Variants in SNX9 observed in about 807,000 individuals in gnomAD.
SNX9 encodes the protein sorting nexin 9.
SNX9 carries 44 observed loss-of-function variants against 89.4 expected under a neutral mutation model. That is an observed-to-expected ratio of 0.49 (90% CI 0.39 to 0.63). The LOEUF is 0.63. Among genes scored for constraint, SNX9 ranks in the 30% least tolerant of loss-of-function variants. The pLI, the probability that SNX9 is intolerant of heterozygous loss-of-function variation, is 0.00. For synonymous variants in SNX9, 236 were observed against 247.8 expected (o/e 0.95, Z 0.45); for missense variants, 578 against 736.1 (o/e 0.79, Z 2.49).
chr6:157,828,650 T>A (rs1257468720), intron 1 of SNX9, among the ~76,000 whole-genome samples: 1 of 152,090 alleles, frequency 6.6e-6, no homozygotes, highest in East Asian at 1.9e-4. Flanking sequence ...TGCACCACCA[T>A]GCCCAGCTAC....
intron 9 of SNX9, among the ~76,000 whole-genome samples, chr6:157,916,386 A>G (rs182837040): frequency 1.4e-4 from 21 of 151,974 alleles, no homozygotes; most frequent in African/African-American, 5.1e-4. Context: ...AGAGAGTTTT[A>G]TTTCATCTTT....
chr6:157,885,694 C>T (rs1218610610), intron 4 of SNX9, among the ~76,000 whole-genome samples: 1 of 152,156 alleles, frequency 6.6e-6, no homozygotes, highest in Non-Finnish European at 1.5e-5. Context: ...GTGAGGAGTT[C>T]CTTATGTGGT....
chr6:157,867,126 AT>A (rs1295675505), intron 1 of SNX9, among the ~76,000 whole-genome samples: 2 of 151,906 alleles, frequency 1.3e-5, no homozygotes, highest in African/African-American at 4.8e-5. Flanking sequence ...TTTTTCTTTA[AT>A]TTTTTGGTAG....
chr6:157,867,993 C>A (rs1008223123), intron 2 of SNX9, among the ~76,000 whole-genome samples: 3 of 152,148 alleles, frequency 2.0e-5, no homozygotes, highest in Non-Finnish European at 4.4e-5. Context: ...GAACATGGTT[C>A]AGTGTGTTTA....
chr6:157,836,393 C>T (rs1203361172), intron 1 of SNX9, among the ~76,000 whole-genome samples: 1 of 152,104 alleles, frequency 6.6e-6, no homozygotes, highest in Non-Finnish European at 1.5e-5. Flanking sequence ...AAAGATATGG[C>T]AATGGTAATA....
intron 9 of SNX9, among the ~76,000 whole-genome samples, chr6:157,916,685 T>C (rs1053418010): frequency 2.0e-5 from 3 of 152,248 alleles, no homozygotes; most frequent in Non-Finnish European, 2.9e-5. Flanking sequence ...CATCGAGTGA[T>C]TGTATGGCTT....
rs34419515 is a variant in SNX9, at chr6:157,914,469, C to CTTTTTTTT, written c.949+4460_949+4467dup. 2.8e-3 allele frequency among the ~76,000 whole-genome samples: 213 copies of CTTTTTTTT among 75,100 alleles called. 1 individual carries two copies. The highest frequency in any genetic ancestry group is 5.8e-3 in the African/African-American group (103 of 17,718). 49.3% of individuals were successfully genotyped at this position (75,100 alleles called of 152,430 possible). A position where few individuals can be genotyped will look rare whatever the true frequency, so the allele number is the denominator to read the frequency against. On this transcript the variant is annotated intron_variant, in intron 9 of 17. Transcript: ENST00000392185. ...TGGCTTGGCTTGTCATTTTCTTTTT[C>CTTTTTTTT]TTTTTTTTTTTTTTTTTTTTTTTGG...
chr6:157,878,601 T>C (rs887409177), intron 4 of SNX9, among the ~76,000 whole-genome samples: 1 of 152,140 alleles, frequency 6.6e-6, no homozygotes, highest in Middle Eastern at 3.4e-3. Flanking sequence ...CCCAGGTAAT[T>C]TTTGTATTTT....
chr6:157,879,924 C>G (rs1782590802), intron 4 of SNX9, among the ~76,000 whole-genome samples: 1 of 152,210 alleles, frequency 6.6e-6, no homozygotes, highest in Admixed American at 6.5e-5. Context: ...CTTAAAAGTT[C>G]TGTAAACCTA....
chr6:157,939,843 G>C (rs1037301769), intron 16 of SNX9, among the ~76,000 whole-genome samples: 6 of 152,160 alleles, frequency 3.9e-5, no homozygotes, highest in Non-Finnish European at 7.3e-5. Flanking sequence ...TGCATGTCAT[G>C]GGAATCTGTG....
At chr6:157,874,845 T>C in intron 3 of SNX9, 1 of 460,494 alleles carries the variant, frequency 2.2e-6, no homozygotes, top group South Asian at 3.9e-5. Flanking sequence ...AAAGAAGAAA[T>C]CTCGAGAAAT....
At chr6:157,917,084 C>G (rs1413194895) in intron 9 of SNX9, among the ~76,000 whole-genome samples, 1 of 152,158 alleles carries the variant, frequency 6.6e-6, no homozygotes, top group African/African-American at 2.4e-5. Flanking sequence ...TCCTTCATAG[C>G]TATAGGACTA....
chr6:157,856,835 C>T (rs1300524946), intron 1 of SNX9, among the ~76,000 whole-genome samples: 2 of 151,856 alleles, frequency 1.3e-5, no homozygotes, highest in African/African-American at 4.8e-5. Flanking sequence ...AAGTATATTT[C>T]ATAAGCAGGA....
rs145416462 is a variant in SNX9, at chr6:157,914,569, C to T, written c.949+4544C>T. On this transcript the variant is annotated intron_variant, in intron 9 of 17. Coordinates refer to ENST00000392185, the MANE Select transcript of SNX9 (RefSeq NM_016224.5). ...TCAGCTCACTACAACCTTGACCTCC[C>T]GGGCTCAAGCAGTCTTCCAGCCTCA... Among the ~76,000 whole-genome samples the T allele has an allele frequency of 5.6e-4, 84 of 150,108 alleles. 1 individual carries two copies. Among genetic ancestry groups the T allele is most frequent in the Non-Finnish European group, 1.0e-3 (70 of 67,726 alleles).
intron 1 of SNX9, among the ~76,000 whole-genome samples, chr6:157,849,689 A>G (rs895447657): frequency 5.9e-5 from 9 of 152,324 alleles, no homozygotes; most frequent in Non-Finnish European, 1.3e-4. Context: ...AGAGGTGGAA[A>G]GGAATGAGAG....
intron 1 of SNX9, among the ~76,000 whole-genome samples, chr6:157,862,848 T>G (rs1782170644): frequency 6.6e-6 from 1 of 152,140 alleles, no homozygotes; most frequent in African/African-American, 2.4e-5. Flanking sequence ...ATTCTTTGGT[T>G]TGGGGTTATT....
At chr6:157,921,110 C>T (rs1783573657) in intron 9 of SNX9, among the ~76,000 whole-genome samples, 1 of 152,238 alleles carries the variant, frequency 6.6e-6, no homozygotes, top group South Asian at 2.1e-4. Flanking sequence ...TTAAATTCCA[C>T]TCATCACTCC....
At chr6:157,924,089 T>G (rs1332055288) in intron 10 of SNX9, among the ~76,000 whole-genome samples, 1 of 152,066 alleles carries the variant, frequency 6.6e-6, no homozygotes, top group Non-Finnish European at 1.5e-5. Flanking sequence ...TCCCAGCTAC[T>G]TGGGAGGCTG....
At chr6:157,897,534 T>C (rs962135602) in intron 5 of SNX9, among the ~76,000 whole-genome samples, 1 of 151,994 alleles carries the variant, frequency 6.6e-6, no homozygotes, top group Non-Finnish European at 1.5e-5. Context: ...TGAGACAGAG[T>C]TTTGCTCTCG....
Sources: allele counts gnomAD v4.1 joint callset (sites outside exome capture counted in the v4.1 genomes callset), GRCh38; gene constraint gnomAD v4.1.1; transcripts MANE v1.5; gene names NCBI Gene and HGNC (gene_info 2026-07-23, HGNC 2026-07-21).